Variants in GRM7 observed in about 807,000 individuals in gnomAD.
GRM7 encodes the protein metabotropic glutamate receptor 7.
In GRM7, 35 loss-of-function variants were observed where a neutral mutation model predicts 84.5. That is an observed-to-expected ratio of 0.41 (90% CI 0.32 to 0.55). The LOEUF (loss-of-function observed/expected upper bound fraction) is 0.55, where lower values mean the gene tolerates loss of function less well. GRM7 is among the 20% of genes least tolerant of loss of function. GRM7 has a pLI of 0.19. For synonymous variants in GRM7, 487 were observed against 455.1 expected, an observed-to-expected ratio of 1.07 and a Z score of -0.89; for missense variants, 1,003 against 1,194.6, an observed-to-expected ratio of 0.84 and a Z score of 2.36.
At chr3:7,713,071 C>T (rs977879475) in intron 9 of GRM7, among the ~76,000 whole-genome samples, 4 of 150,910 alleles carry the variant, frequency 2.7e-5, no homozygotes, top group Admixed American at 1.3e-4. Context: ...TGCAAAGATC[C>T]GACTTCTGAA....
intron 2 of GRM7, among the ~76,000 whole-genome samples, chr3:7,243,713 A>T (rs984472492): frequency 6.6e-6 from 1 of 152,106 alleles, no homozygotes; most frequent in African/African-American, 2.4e-5. Context: ...ATTCATTCTA[A>T]GAGACACATC....
At chr3:7,313,059 G>C (rs983265844) in intron 4 of GRM7, among the ~76,000 whole-genome samples, 2 of 151,436 alleles carry the variant, frequency 1.3e-5, no homozygotes, top group African/African-American at 4.8e-5. Flanking sequence ...CTCCCAAGTA[G>C]CTGGGATTAC....
rs1341759197 is a variant in GRM7, at chr3:7,093,704, AAAAAAAAAAAG to A, written c.520-52747_520-52737del. ...AAAAAAAAAAAAAAAAAAAAAAAAA[AAAAAAAAAAAG>A]GTAGTTAGTGGCCTTTGCTCTTTTA... is the stretch of plus-strand genomic sequence containing the variant. On this transcript the variant is annotated intron_variant, in intron 1 of 9. Coordinates refer to ENST00000357716, the MANE Select transcript of GRM7 (RefSeq NM_000844.4). 2.0e-3 allele frequency among the ~76,000 whole-genome samples: 192 copies of A among 93,924 alleles called. 18 individuals are homozygous for A. The highest frequency in any genetic ancestry group is 7.3e-3 in the African/African-American group (172 of 23,682). The allele number at this position is 93,924 out of a possible 152,430, so 61.6% of individuals were successfully genotyped here.
intron 8 of GRM7, among the ~76,000 whole-genome samples, chr3:7,652,326 G>T (rs1482790601): frequency 6.6e-6 from 1 of 152,194 alleles, no homozygotes; most frequent in East Asian, 1.9e-4. Context: ...CCAAGGACTG[G>T]TTAGGGGAGA....
chr3:6,931,630 C>T (rs145822920), intron 1 of GRM7, among the ~76,000 whole-genome samples: 36 of 152,314 alleles, frequency 2.4e-4, no homozygotes, highest in African/African-American at 8.2e-4. Context: ...TAAGAAACGA[C>T]ACCAGTTTGT....
intron 1 of GRM7, among the ~76,000 whole-genome samples, chr3:7,087,486 C>G (rs1252261044): frequency 1.3e-5 from 2 of 151,530 alleles, no homozygotes; most frequent in African/African-American, 4.9e-5. Flanking sequence ...TTATTTGCAG[C>G]TGAAAGAAAA....
chr3:7,260,561 T>C (rs1698382500), intron 2 of GRM7, among the ~76,000 whole-genome samples: 1 of 152,144 alleles, frequency 6.6e-6, no homozygotes, highest in African/African-American at 2.4e-5. Context: ...CCTTTGTTAT[T>C]TCTAATTGTG....
At chr3:7,168,517 A>G (rs1010711989) in intron 2 of GRM7, among the ~76,000 whole-genome samples, 6 of 152,298 alleles carry the variant, frequency 3.9e-5, no homozygotes, top group Non-Finnish European at 7.4e-5. Context: ...CAAACCGGGA[A>G]AAGAGCAGGA....
intron 1 of GRM7, among the ~76,000 whole-genome samples, chr3:7,110,537 G>A (rs1692808867): frequency 6.6e-6 from 1 of 151,778 alleles, no homozygotes; most frequent in Admixed American, 6.6e-5. Flanking sequence ...GGAGATTGCA[G>A]TGAGCCAAGA....
chr3:7,302,798 A>G (rs945153231), intron 3 of GRM7, among the ~76,000 whole-genome samples: 11 of 151,790 alleles, frequency 7.2e-5, no homozygotes, highest in African/African-American at 2.4e-4. Flanking sequence ...TTTTTTTTAA[A>G]CCAGTTTCCC....
intron 2 of GRM7, among the ~76,000 whole-genome samples, chr3:7,225,333 A>G (rs1283268514): frequency 6.7e-6 from 1 of 149,662 alleles, no homozygotes; most frequent in Admixed American, 6.7e-5. Context: ...GTTATAATAT[A>G]TAACTTATTA....
At chr3:7,682,174 A>G (rs1700395400) in intron 9 of GRM7, 1 of 152,066 alleles carries the variant, frequency 6.6e-6, no homozygotes, top group South Asian at 2.1e-4. Flanking sequence ...CGTCTCTACT[A>G]AAAATACAAA....
intron 1 of GRM7, among the ~76,000 whole-genome samples, chr3:6,930,269 A>G (rs1002024607): frequency 6.6e-6 from 1 of 152,186 alleles, no homozygotes; most frequent in African/African-American, 2.4e-5. Context: ...AAGACAGTAA[A>G]AGCGGTAGCT....
At chr3:7,333,946 C>G (rs1701306206) in intron 4 of GRM7, among the ~76,000 whole-genome samples, 1 of 151,592 alleles carries the variant, frequency 6.6e-6, no homozygotes, top group Non-Finnish European at 1.5e-5. Context: ...TGAACAAAGC[C>G]CCTAAGAAAT....
rs35719504 is a variant in GRM7, at chr3:7,178,944, C to CAA, written c.736+32285_736+32286dup. Among the ~76,000 whole-genome samples the CAA allele has an allele frequency of 4.0e-3, 602 of 149,666 alleles. 4 individuals are homozygous for CAA. Among genetic ancestry groups the CAA allele is most frequent in the Non-Finnish European group, 6.5e-3 (438 of 67,426 alleles). ...AAAAATACAAAAATACAAAAAAATA[C>CAA]AAAAAAAAAATACAAGCTGGGTGTG... On this transcript the variant is annotated intron_variant, in intron 2 of 9. Coordinates refer to ENST00000357716, the MANE Select transcript of GRM7 (RefSeq NM_000844.4).
intron 1 of GRM7, among the ~76,000 whole-genome samples, chr3:6,873,145 C>T (rs1257378554): frequency 6.6e-6 from 1 of 152,154 alleles, no homozygotes; most frequent in Non-Finnish European, 1.5e-5. Flanking sequence ...GATCTCGGCT[C>T]ACTGCAACTT....
At chr3:7,487,734 G>C (rs182784283) in intron 7 of GRM7, among the ~76,000 whole-genome samples, 17 of 152,202 alleles carry the variant, frequency 1.1e-4, no homozygotes, top group Non-Finnish European at 1.0e-4. Flanking sequence ...CGGAAGACTG[G>C]GGGCCCAGGC....
intron 8 of GRM7, among the ~76,000 whole-genome samples, chr3:7,652,907 C>T (rs1559466101): frequency 6.6e-6 from 1 of 152,194 alleles, no homozygotes; most frequent in Non-Finnish European, 1.5e-5. Flanking sequence ...ATTTCATCCT[C>T]ACCACAGGAC....
At chr3:7,686,218 A>G in intron 9 of GRM7, 1 of 522,682 alleles carries the variant, frequency 1.9e-6, no homozygotes, top group African/African-American at 1.9e-5. Flanking sequence ...ACCAAAGGAT[A>G]TTGAACCCAC....
Sources: allele counts gnomAD v4.1 joint callset (sites outside exome capture counted in the v4.1 genomes callset), GRCh38; gene constraint gnomAD v4.1.1; transcripts MANE v1.5; gene names NCBI Gene and HGNC (gene_info 2026-07-23, HGNC 2026-07-21).